Variants in CASP9 observed in about 807,000 individuals in gnomAD.
CASP9 encodes caspase-9.
Under a neutral mutation model 43.5 loss-of-function variants are expected in CASP9, and 29 were observed. The ratio of observed to expected loss-of-function variants is 0.67; its 90% CI spans 0.50 to 0.91. The LOEUF is 0.91. Ranked by LOEUF, CASP9 falls within the 40% of genes least tolerant of loss-of-function variation. CASP9 has a pLI of 0.00. For synonymous variants in CASP9, 206 were observed against 211.9 expected (o/e 0.97, Z 0.24); for missense variants, 575 against 537.4 (o/e 1.07, Z -0.69).
chr1:15,524,160 A>G lies in CASP9; in HGVS notation c.41T>C (p.Leu14Pro). 1 of 1,539,798 alleles carries G rather than the reference A, an allele frequency of 6.5e-7. No individual in the cohort carries two copies. Among genetic ancestry groups the G allele is most frequent in the South Asian group, 1.2e-5 (1 of 83,934 alleles). The change falls in exon 1 of 9, where the codon CTG (leucine) becomes CCG (proline). Residue 14 changes from leucine to proline, a missense_variant. Physicochemically the swap from Leu to Pro is moderately conservative, Grantham distance 98. Coordinates refer to ENST00000333868, the MANE Select transcript of CASP9 (RefSeq NM_001229.5). ...ADRRLLRRCR[L>P]RLVEELQVDQ... ...CACCTGCAGCTCTTCCACCAGCCGCAGCCGGCACCGCCGCAGGAGCCGCCG... is the reference window on the plus strand; with the variant it reads ...CACCTGCAGCTCTTCCACCAGCCGCGGCCGGCACCGCCGCAGGAGCCGCCG...
At chr1:15,522,042 C>T (rs115765226) in intron 1 of CASP9, among the ~76,000 whole-genome samples, 85 of 152,270 alleles carry the variant, frequency 5.6e-4, no homozygotes, top group African/African-American at 1.6e-3. Context: ...GGTTTCTCTC[C>T]ACATTTGCTG....
rs570941032 is a variant in CASP9 at position 15,507,187 on chromosome 1, G to T, written c.454-112C>A. 4.9e-6 allele frequency: 6 copies of T among 1,236,520 alleles called. No individual in the cohort carries two copies. In the South Asian group the frequency reaches 7.9e-5, roughly 16 times the overall value. 76.6% of individuals were successfully genotyped at this position (1,236,520 alleles called of 1,614,324 possible). On this transcript the variant is annotated intron_variant, in intron 3 of 8. Coordinates refer to ENST00000333868, the MANE Select transcript of CASP9 (RefSeq NM_001229.5). ...GCCCTCTCGCACAAGGAGTAGCAGG[G>T]TCTCCACCCGGCATTCCAGGGCAAA...
rs4646073 is a variant in CASP9 at position 15,501,131 on chromosome 1, T to C, written c.868+3480A>G. ...GGAGATGTTCCCTCCGCACAGAAAA[T>C]CCACGACCACTGCAGCATATTGTCA... On this transcript the variant is annotated intron_variant, in intron 6 of 8. Transcript: ENST00000333868. Among the ~76,000 whole-genome samples the C allele has an allele frequency of 4.0e-3, 614 of 152,110 alleles. 4 individuals carry two copies. Among genetic ancestry groups the C allele is most frequent in the African/African-American group, 0.014 (591 of 41,508 alleles).
upstream of CASP9, chr1:15,524,723 A>C: frequency 9.9e-6 from 10 of 1,011,734 alleles, no homozygotes; most frequent in Non-Finnish European, 1.2e-5. Flanking sequence ...CCCCAGGGTC[A>C]ATTCTGGGGT....
At chr1:15,493,235 C>A in intron 8 of CASP9, 200 bp from the exon 9 acceptor site, 1 of 1,412,494 alleles carries the variant, frequency 7.1e-7, no homozygotes, top group Middle Eastern at 2.6e-4. Flanking sequence ...TTTCCAAATT[C>A]ATAAAGTTCA....
Position 15,507,092 on chromosome 1 carries a change from C to G in CASP9, c.454-17G>C. 1 of 1,612,720 alleles carries G rather than the reference C, an allele frequency of 6.2e-7. No individual in the cohort carries two copies. The highest frequency in any genetic ancestry group is 8.5e-7 in the Non-Finnish European group (1 of 1,178,936). ...GATGTAAGCCTGCCAGCACAGGGACCCACGTAAACCCGGGCTCTCCCCACG... is the reference window on the plus strand; with the variant it reads ...GATGTAAGCCTGCCAGCACAGGGACGCACGTAAACCCGGGCTCTCCCCACG... On this transcript the variant is annotated splice_polypyrimidine_tract_variant and intron_variant, in intron 3 of 8. Coordinates refer to ENST00000333868, the MANE Select transcript of CASP9 (RefSeq NM_001229.5).
chr1:15,518,404 A>C lies in CASP9; in HGVS notation c.133-9T>G, dbSNP rs770152984. 3 of 1,606,556 alleles carry C rather than the reference A, an allele frequency of 1.9e-6. No homozygotes were observed. The highest frequency in any genetic ancestry group is 1.7e-6 in the Non-Finnish European group (2 of 1,175,488). On this transcript the variant is annotated splice_polypyrimidine_tract_variant and intron_variant, in intron 1 of 8. Coordinates refer to ENST00000333868, the MANE Select transcript of CASP9 (RefSeq NM_001229.5). ...GATCCAGAGCCTGCCCGCTGTTTGG[A>C]AAGAAAGGCAGGATACTAATTATCC...
At chr1:15,499,898 C>T (rs946855390) in intron 6 of CASP9, among the ~76,000 whole-genome samples, 3 of 152,132 alleles carry the variant, frequency 2.0e-5, no homozygotes, top group African/African-American at 7.2e-5. Context: ...TTGTCTTTTC[C>T]ATTTTAAAAT....
rs1553139062 is a variant in CASP9 at position 15,492,621 on chromosome 1, CAT to C, written c.*320_*321del. The C allele has an allele frequency of 1.3e-3, 443 of 333,984 alleles. 4 individuals are homozygous for C. The highest frequency in any genetic ancestry group is 8.7e-3 in the African/African-American group (418 of 47,922). The allele number at this position is 333,984 out of a possible 1,614,324, so 20.7% of individuals were successfully genotyped here. A position where few individuals can be genotyped will look rare whatever the true frequency, so the allele number is the denominator to read the frequency against. On this transcript the variant is annotated 3_prime_UTR_variant, in exon 9 of 9. Coordinates refer to ENST00000333868, the MANE Select transcript of CASP9 (RefSeq NM_001229.5). The stretch of plus-strand genomic sequence containing the variant: ...CACAGCAAAGGGTGACCTGGCCCCA[CAT>C]GTCAGTAGTGCAGAGGTTAATCCCT...
chr1:15,509,943 T>A (rs773123681), intron 2 of CASP9, among the ~76,000 whole-genome samples: 10 of 152,204 alleles, frequency 6.6e-5, no homozygotes, highest in Non-Finnish European at 1.2e-4. Context: ...TTTTTTCTTT[T>A]TTTTTGAGAC....
At chr1:15,513,752 A>G (rs2103365267) in intron 2 of CASP9, among the ~76,000 whole-genome samples, 1 of 152,328 alleles carries the variant, frequency 6.6e-6, no homozygotes, top group East Asian at 1.9e-4. Flanking sequence ...TAGGGACAAG[A>G]AAGAGAATGA....
At position 15,504,842 on chromosome 1, in the gene CASP9, A is replaced by G. The variant is rs1345072534; in HGVS notation, c.721-84T>C. 9.4e-6 allele frequency: 13 copies of G among 1,382,710 alleles called. No homozygotes were observed. The Admixed American group carries it at 1.4e-4, about 15-fold the overall frequency. 85.7% of individuals were successfully genotyped at this position (1,382,710 alleles called of 1,614,324 possible). ...CTGTTCAGAGGTTTTGTGGGAGCCA[A>G]GGATTTGGAAGGTCAAAGCCAGGGG... On this transcript the variant is annotated intron_variant, in intron 5 of 8. Coordinates refer to ENST00000333868, the MANE Select transcript of CASP9 (RefSeq NM_001229.5).
In CASP9 at chr1:15,491,542, G is replaced by C. The variant is rs973946892; in HGVS notation, c.*1401C>G. The C allele has an allele frequency of 2.8e-4, 147 of 526,678 alleles. No homozygotes were observed. The highest frequency in any genetic ancestry group is 2.7e-3 in the African/African-American group (140 of 52,180). The allele number at this position is 526,678 out of a possible 1,614,324, so 32.6% of individuals were successfully genotyped here. Reference sequence around the variant, plus strand: ...GGAGGCTAAGGCAGGCTGATCGCTTGAGTCCAGGAGTTCAAGACCAGCCTG... The same window carrying C: ...GGAGGCTAAGGCAGGCTGATCGCTTCAGTCCAGGAGTTCAAGACCAGCCTG... On this transcript the variant is annotated 3_prime_UTR_variant, in exon 9 of 9. Coordinates refer to ENST00000333868, the MANE Select transcript of CASP9 (RefSeq NM_001229.5).
At position 15,509,592 on chromosome 1, in the gene CASP9, G is replaced by A. The variant is rs78887132; in HGVS notation, c.419-1685C>T. 4.0e-3 allele frequency among the ~76,000 whole-genome samples: 601 copies of A among 150,964 alleles called. 4 individuals are homozygous for A. The highest frequency in any genetic ancestry group is 0.014 in the East Asian group (74 of 5,106). ...AGAGGTTGCAGTGAGTCGAGATCACGTCATTGCACTCCAGCCTGGGCAACA... is the reference window on the plus strand; with the variant it reads ...AGAGGTTGCAGTGAGTCGAGATCACATCATTGCACTCCAGCCTGGGCAACA... On this transcript the variant is annotated intron_variant, in intron 2 of 8. Transcript: ENST00000333868.
chr1:15,507,638 C>G, intron 3 of CASP9: 1 of 548,060 alleles, frequency 1.8e-6, no homozygotes, highest in Non-Finnish European at 3.2e-6. Flanking sequence ...ATGACTGCCC[C>G]TCATCAGGTC....
intron 4 of CASP9, among the ~76,000 whole-genome samples, chr1:15,506,695 C>A (rs4646039): frequency 1.0e-3 from 158 of 152,318 alleles, no homozygotes; most frequent in African/African-American, 3.4e-3. Flanking sequence ...GGAGGTCACA[C>A]AGCAGGTGGC....
intron 1 of CASP9, among the ~76,000 whole-genome samples, chr1:15,523,448 C>T (rs888862941): frequency 1.3e-5 from 2 of 152,196 alleles, no homozygotes; most frequent in Admixed American, 6.5e-5. Context: ...AAAGTAAAAA[C>T]GCACACGCCT....
chr1:15,501,401 T>C (rs1200452381), intron 6 of CASP9, among the ~76,000 whole-genome samples: 4 of 151,780 alleles, frequency 2.6e-5, no homozygotes, highest in Admixed American at 1.3e-4. Context: ...TTTATTATTA[T>C]ATTTAAATTA....
chr1:15,513,028 G>C (rs558246117), intron 2 of CASP9, among the ~76,000 whole-genome samples: 1 of 152,222 alleles, frequency 6.6e-6, no homozygotes, highest in Non-Finnish European at 1.5e-5. Flanking sequence ...GGGCATGGTG[G>C]CAGGTGCCTG....
Sources: gnomAD v4.1 joint callset for allele counts (sites outside exome capture counted in the v4.1 genomes callset) on GRCh38, gnomAD v4.1.1 for gene constraint, MANE v1.5 for transcripts, NCBI Gene and HGNC (gene_info 2026-07-23, HGNC 2026-07-21) for gene names.